The following SLC39A5 variants were observed in gnomAD, a reference collection of about 807,000 sequenced individuals.
SLC39A5 encodes zinc transporter ZIP5.
Under a neutral mutation model 46.9 loss-of-function variants are expected in SLC39A5, and 42 were observed. The ratio of observed to expected loss-of-function variants is 0.90; its 90% CI spans 0.70 to 1.16. The LOEUF (loss-of-function observed/expected upper bound fraction) is 1.16, where lower values mean the gene tolerates loss of function less well. Ranked by LOEUF, SLC39A5 falls within the 50% of genes most tolerant of loss-of-function variation. The pLI, the probability that SLC39A5 is intolerant of heterozygous loss-of-function variation, is 0.00. For missense variants in SLC39A5, 677 were observed against 686.8 expected, an observed-to-expected ratio of 0.99 and a Z score of 0.16; for synonymous variants, 311 against 323.1, an observed-to-expected ratio of 0.96 and a Z score of 0.40.
intron 8 of SLC39A5, 76 bp from the exon 9 acceptor site, chr12:56,236,320 C>A: frequency 7.3e-7 from 1 of 1,367,240 alleles, no homozygotes; most frequent in Non-Finnish European, 1.0e-6. Context: ...TTCATCTTCC[C>A]AGCTTGTGGC....
intron 8 of SLC39A5, 105 bp from the exon 9 acceptor site, chr12:56,236,291 C>G: frequency 1.0e-6 from 1 of 1,002,642 alleles, no homozygotes; most frequent in Non-Finnish European, 1.6e-6. Context: ...ATCCCAGGTG[C>G]CAGAGGTGGA....
Position 56,235,547 on chromosome 12 carries a change from TTCTC to T in SLC39A5, c.805-9_805-6del, listed in dbSNP as rs771526880. On this transcript the variant is annotated splice_polypyrimidine_tract_variant and intron_variant, in intron 7 of 12. Transcript: ENST00000454355. ...GGGGCTTCCAGAGTCTGCCCTGACCTTCTCTCTGTCAGGCACAAGAAGGGCGGCA... is the reference window on the plus strand; with the variant it reads ...GGGGCTTCCAGAGTCTGCCCTGACCTTCTGTCAGGCACAAGAAGGGCGGCA... The T allele has an allele frequency of 2.7e-5, 44 of 1,612,756 alleles. 1 individual carries two copies. In the South Asian group the frequency reaches 4.0e-4, roughly 14 times the overall value.
In SLC39A5 at chr12:56,232,689, G is replaced by A. The variant is rs1870341108; in HGVS notation, c.288G>A (p.Arg96=). ...ASPAADNSTH[R]PQNPELSVDV... Reference sequence around the variant, plus strand: ...TGACTTGCTGTCTCATCCATTCCAGGCCACAGAACCCTGAGCTGAGTGTGG... The same window carrying A: ...TGACTTGCTGTCTCATCCATTCCAGACCACAGAACCCTGAGCTGAGTGTGG... Residue 96 remains arginine (R), a splice_region_variant and synonymous_variant, in exon 5 of 13, where the codon AGG becomes AGA. Coordinates refer to ENST00000454355, the MANE Select transcript of SLC39A5 (RefSeq NM_173596.3). 1 of 1,594,606 alleles carries A rather than the reference G, an allele frequency of 6.3e-7. No homozygotes were observed. The highest frequency in any genetic ancestry group is 8.5e-7 in the Non-Finnish European group (1 of 1,173,150).
chr12:56,232,790 G>A lies in SLC39A5; in HGVS notation c.389G>A (p.Arg130His), dbSNP rs150922607. The change falls in exon 5 of 13, where the codon CGT (arginine) becomes CAT (histidine). Residue 130 changes from arginine to histidine, a missense_variant. By Grantham distance (29) the Arg-to-His change is conservative. Transcript: ENST00000454355. ...GAGTCAAAGGCCCCTCACCTACCCC[G>A]TGGGCCAGCCCCCTCGGGCCTGGAC... Reference protein sequence around the residue: ...LEESKAPHLPRGPAPSGLDLL... With the variant: ...LEESKAPHLPHGPAPSGLDLL... 6.8e-5 allele frequency: 109 copies of A among 1,612,186 alleles called. 1 individual carries two copies. In the East Asian group the frequency reaches 7.2e-4, roughly 11 times the overall value.
At chr12:56,231,612 AGTG>A in intron 4 of SLC39A5, 51 bp downstream of exon 4, 1 of 1,486,642 alleles carries the variant, frequency 6.7e-7, no homozygotes, top group African/African-American at 1.4e-5. Context: ...AGGTCCTCTC[AGTG>A]CTTGCCCCCA....
chr12:56,235,259 T>C lies in SLC39A5; in HGVS notation c.737T>C (p.Leu246Pro), dbSNP rs773988584. 2.5e-6 allele frequency: 4 copies of C among 1,575,826 alleles called. No individual in the cohort carries two copies. The highest frequency in any genetic ancestry group is 1.2e-5 in the South Asian group (1 of 85,046). ...GGACCTCGTCTACTACGGCCCTTGC[T>C]GGGCTTCCTGGGGGCCCTGGCGGTG... ...LLGPRLLRPL[L>P]GFLGALAVGT... Residue 246 changes from leucine (L) to proline (P), a missense_variant, in exon 7 of 13, where the codon CTG becomes CCG. By Grantham distance (98) the Leu-to-Pro change is moderately conservative. Coordinates refer to ENST00000454355, the MANE Select transcript of SLC39A5 (RefSeq NM_173596.3).
rs1356255450 is a variant in SLC39A5 at position 56,231,498 on chromosome 12, TG to T, written c.227del (p.Gly76AspfsTer6). 5 of 1,606,334 alleles carry T rather than the reference TG, an allele frequency of 3.1e-6. No homozygotes were observed. Among genetic ancestry groups the T allele is most frequent in the Non-Finnish European group, 4.3e-6 (5 of 1,175,772 alleles). On this transcript the variant is annotated frameshift_variant, in exon 4 of 13. Coordinates refer to ENST00000454355, the MANE Select transcript of SLC39A5 (RefSeq NM_173596.3). LOFTEE classifies it high-confidence loss of function. ...CTAGGCCGAGTTCAGGGGCTTCGCC[TG>T]GGACAGCATGGGCCTCTGACTGGAC... Reference protein sequence around the residue: ...LGLGRVQGLRLGQHGPLTGRA... With the variant: ...LGLGRVQGLRXGQHGPLTGRA...
At chr12:56,230,924 G>A in intron 3 of SLC39A5, 51 bp downstream of exon 3, 1 of 245,000 alleles carries the variant, frequency 4.1e-6, no homozygotes, top group South Asian at 1.2e-4. Flanking sequence ...GATTGAGGGG[G>A]GATAAAGAGG....
rs746810965 is a variant in SLC39A5, at chr12:56,235,023, C to T, written c.634+37C>T. On this transcript the variant is annotated intron_variant, in intron 6 of 12. Transcript: ENST00000454355. ...GGAGTGGGTGGGGGACACCCTGAAT[C>T]CTGGAAGTGGGGCCCATGCCAAAAA... is the stretch of plus-strand genomic sequence containing the variant. 5 of 1,609,140 alleles carry T rather than the reference C, an allele frequency of 3.1e-6. No homozygotes were observed. The East Asian group carries it at 1.1e-4, about 36-fold the overall frequency.
At chr12:56,233,878 A>AT (rs1323806096) in intron 5 of SLC39A5, among the ~76,000 whole-genome samples, 1 of 152,290 alleles carries the variant, frequency 6.6e-6, no homozygotes, top group Admixed American at 6.5e-5. Context: ...AGATTCTGGC[A>AT]TGGAGAGCTC....
rs1214777806 is a variant in SLC39A5, at chr12:56,236,865, CACAGGA to C, written c.1208-63_1208-58del. The stretch of plus-strand genomic sequence containing the variant: ...GGGAGAGGACGGGAGGACCACGGAA[CACAGGA>C]ACCTGCTTCTGAGGAGACTTTTCTT... On this transcript the variant is annotated intron_variant, in intron 10 of 12. Transcript: ENST00000454355. The C allele has an allele frequency of 2.5e-6, 4 of 1,603,112 alleles. No individual in the cohort carries two copies. In the African/African-American group the frequency reaches 5.4e-5, roughly 21 times the overall value.
intron 12 of SLC39A5, 51 bp from the exon 13 acceptor site, chr12:56,237,537 T>C (rs1363566383): frequency 4.3e-6 from 7 of 1,610,462 alleles, no homozygotes; most frequent in Admixed American, 1.7e-5. Flanking sequence ...TCCTCTGGAG[T>C]TGAGAGGTCA....
At position 56,237,606 on chromosome 12, in the gene SLC39A5, C is replaced by G; in HGVS notation, c.1498C>G (p.Pro500Ala). 6 of 1,613,784 alleles carry G rather than the reference C, an allele frequency of 3.7e-6. No homozygotes were observed. The highest frequency in any genetic ancestry group is 5.1e-6 in the Non-Finnish European group (6 of 1,179,928). Residue 500 changes from proline to alanine, a missense_variant, in exon 13 of 13, where the codon CCT becomes GCT. Transcript: ENST00000454355. ...LVDMLPALLR[P>A]PEPLPTPHVL... ...CTTTCAGCTACCAGCCCTGCTTCGT[C>G]CTCCGGAGCCCCTGCCTACGCCCCA... is the stretch of plus-strand genomic sequence containing the variant.
Position 56,237,191 on chromosome 12 carries a change from C to A in SLC39A5, c.1330C>A (p.Arg444=). The change falls in exon 12 of 13, where the codon CGG becomes AGG. Residue 444 remains arginine, a synonymous_variant. Coordinates refer to ENST00000454355, the MANE Select transcript of SLC39A5 (RefSeq NM_173596.3). The part of the protein sequence containing the change: ...MLLQSGLSFR[R]LLLLSLVSGA... ...GCTCCAGTCAGGGCTGTCCTTTCGG[C>A]GGCTGCTGCTGCTGAGCCTCGTGTC... 1 of 1,613,712 alleles carries A rather than the reference C, an allele frequency of 6.2e-7. No individual in the cohort carries two copies. Among genetic ancestry groups the A allele is most frequent in the Non-Finnish European group, 8.5e-7 (1 of 1,180,000 alleles).
chr12:56,233,264 CAAAAAAAAAAAAAAAAAAA>C (rs71081337), intron 5 of SLC39A5, among the ~76,000 whole-genome samples: 18 of 31,032 alleles, frequency 5.8e-4, no homozygotes, highest in African/African-American at 1.6e-3. Context: ...GACTCTGTCT[CAAAAAAAAAAAAAAAAAAA>C]AAAAAAAAAA....
At chr12:56,236,284 C>A in intron 8 of SLC39A5, 112 bp from the exon 9 acceptor site, 1 of 935,112 alleles carries the variant, frequency 1.1e-6, no homozygotes, top group Admixed American at 2.0e-5. Flanking sequence ...AAAGAACATC[C>A]CAGGTGCCAG....
At position 56,237,769 on chromosome 12, in the gene SLC39A5, C is replaced by T; in HGVS notation, c.*38C>T. 2 of 1,505,526 alleles carry T rather than the reference C, an allele frequency of 1.3e-6. No homozygotes were observed. Among genetic ancestry groups the T allele is most frequent in the East Asian group, 4.7e-5 (2 of 42,554 alleles). The allele number at this position is 1,505,526 out of a possible 1,614,324, so 93.3% of individuals were successfully genotyped here. On this transcript the variant is annotated 3_prime_UTR_variant, in exon 13 of 13. Transcript: ENST00000454355. The stretch of plus-strand genomic sequence containing the variant: ...AAAGGGGTCGGGTTGCCCTTCCTTC[C>T]CCCCAACCACAGGAATGGAGGCGGG...
chr12:56,235,040 T>C, intron 6 of SLC39A5, 54 bp downstream of exon 6: 1 of 1,604,766 alleles, frequency 6.2e-7, no homozygotes, highest in South Asian at 1.1e-5. Context: ...GTGGGGCCCA[T>C]GCCAAAAAGG....
rs777775812 is a variant in SLC39A5, at chr12:56,231,229, G to A, written c.-46G>A. The A allele has an allele frequency of 1.3e-6, 2 of 1,533,298 alleles. No homozygotes were observed. The highest frequency in any genetic ancestry group is 1.8e-6 in the Non-Finnish European group (2 of 1,137,950). 95.0% of individuals were successfully genotyped at this position (1,533,298 alleles called of 1,614,324 possible). On this transcript the variant is annotated 5_prime_UTR_variant, in exon 4 of 13. Transcript: ENST00000454355. ...GGCACAGTCCTCAGGATGTTTCGGG[G>A]AGAATAGGAGCCAGAACCTGAGCCC...
Sources: gnomAD v4.1 joint callset for allele counts (sites outside exome capture counted in the v4.1 genomes callset) on GRCh38, gnomAD v4.1.1 for gene constraint, MANE v1.5 for transcripts, NCBI Gene and HGNC (gene_info 2026-07-23, HGNC 2026-07-21) for gene names.